The following GABRB1 variants were observed in gnomAD, a reference collection of about 807,000 sequenced individuals.
GABRB1 encodes the protein gamma-aminobutyric acid receptor subunit beta-1.
A neutral mutation model predicts 51.6 loss-of-function variants in GABRB1; 17 were observed. That is an observed-to-expected ratio of 0.33 (90% CI 0.23 to 0.49). The LOEUF (loss-of-function observed/expected upper bound fraction) is 0.49, where lower values mean the gene tolerates loss of function less well. Among genes scored for constraint, GABRB1 ranks in the 20% least tolerant of loss-of-function variants. The pLI is 0.99. For missense variants in GABRB1, 410 were observed against 600.6 expected, an observed-to-expected ratio of 0.68 and a Z score of 3.32; for synonymous variants, 247 against 218.9, an observed-to-expected ratio of 1.13 and a Z score of -1.14.
At chr4:47,270,455 G>A (rs772144505) in intron 4 of GABRB1, among the ~76,000 whole-genome samples, 3 of 152,134 alleles carry the variant, frequency 2.0e-5, no homozygotes, top group Non-Finnish European at 4.4e-5. Context: ...CACAATTTTG[G>A]CTCTGCTTCT....
At chr4:47,387,361 A>G (rs929853680) in intron 5 of GABRB1, among the ~76,000 whole-genome samples, 58 of 152,040 alleles carry the variant, frequency 3.8e-4, no homozygotes, top group African/African-American at 1.4e-3. Flanking sequence ...AATCCCAGCT[A>G]CTCTGGAGGC....
At chr4:47,360,095 G>A (rs1726746520) in intron 5 of GABRB1, among the ~76,000 whole-genome samples, 1 of 150,480 alleles carries the variant, frequency 6.6e-6, no homozygotes, top group Non-Finnish European at 1.5e-5. Flanking sequence ...GGCACTGGCT[G>A]TTTCTACTCT....
chr4:47,042,759 A>G (rs977221212), intron 3 of GABRB1, among the ~76,000 whole-genome samples: 105 of 151,910 alleles, frequency 6.9e-4, no homozygotes, highest in African/African-American at 2.3e-3. Flanking sequence ...CTAAACATAA[A>G]AGTAAAAAGT....
chr4:47,250,512 G>A (rs556785366), intron 4 of GABRB1, among the ~76,000 whole-genome samples: 11 of 152,232 alleles, frequency 7.2e-5, no homozygotes, highest in African/African-American at 2.4e-4. Flanking sequence ...AGCAAGGCCA[G>A]GGAAGTTTTC....
chr4:47,201,109 T>C lies in GABRB1; in HGVS notation c.461+39640T>C, dbSNP rs912049588. ...TGTAACCTCCCTGAACTGTGCAATA[T>C]TTTAAAAATATGTTAAATCTTGTGA... On this transcript the variant is annotated intron_variant, in intron 4 of 8. Transcript: ENST00000295454. 3.9e-5 allele frequency among the ~76,000 whole-genome samples: 6 copies of C among 152,286 alleles called. No homozygotes were observed. The South Asian group carries it at 6.2e-4, about 16-fold the overall frequency.
intron 4 of GABRB1, among the ~76,000 whole-genome samples, chr4:47,231,651 G>A (rs950454491): frequency 1.3e-5 from 2 of 152,162 alleles, no homozygotes; most frequent in African/African-American, 4.8e-5. Flanking sequence ...TGGGGAACTA[G>A]ATTACCTTTT....
intron 8 of GABRB1, among the ~76,000 whole-genome samples, chr4:47,416,570 C>T (rs1369030546): frequency 6.6e-6 from 1 of 151,794 alleles, no homozygotes; most frequent in Non-Finnish European, 1.5e-5. Flanking sequence ...CATGCCTCAG[C>T]CTCCCTGAGT....
chr4:47,256,074 G>C (rs1027046191), intron 4 of GABRB1, among the ~76,000 whole-genome samples: 2 of 152,202 alleles, frequency 1.3e-5, no homozygotes, highest in African/African-American at 4.8e-5. Flanking sequence ...CTGAAGCCTG[G>C]TTGACCATCT....
intron 4 of GABRB1, among the ~76,000 whole-genome samples, chr4:47,175,438 T>C (rs1293520108): frequency 2.0e-5 from 3 of 152,138 alleles, no homozygotes; most frequent in Non-Finnish European, 4.4e-5. Context: ...ATTAAGCAAA[T>C]GGTAAGTGGT....
chr4:47,245,570 G>A lies in GABRB1; in HGVS notation c.462-74557G>A, dbSNP rs573257703. Among the ~76,000 whole-genome samples, 3 of 152,130 alleles carry A rather than the reference G, an allele frequency of 2.0e-5. No homozygotes were observed. In the South Asian group the frequency reaches 6.2e-4, roughly 32 times the overall value. ...GAAGGTGAGTGCCTGCTTCTCCAGG[G>A]GACAATCCACAAACACAGTAGTCAA... On this transcript the variant is annotated intron_variant, in intron 4 of 8. Coordinates refer to ENST00000295454, the MANE Select transcript of GABRB1 (RefSeq NM_000812.4).
chr4:47,194,167 T>G (rs1490828547), intron 4 of GABRB1, among the ~76,000 whole-genome samples: 1 of 152,152 alleles, frequency 6.6e-6, no homozygotes, highest in Non-Finnish European at 1.5e-5. Flanking sequence ...CTGATTAAAG[T>G]AGGACATAAG....
At chr4:47,260,751 G>C (rs1722399499) in intron 4 of GABRB1, among the ~76,000 whole-genome samples, 2 of 152,088 alleles carry the variant, frequency 1.3e-5, no homozygotes, top group Admixed American at 6.6e-5. Context: ...AACCAAAAAA[G>C]AGAATTTTAG....
At chr4:47,337,691 T>C (rs1415997404) in intron 5 of GABRB1, among the ~76,000 whole-genome samples, 1 of 150,902 alleles carries the variant, frequency 6.6e-6, no homozygotes, top group African/African-American at 2.4e-5. Flanking sequence ...ACACCTGTAA[T>C]CCCAGCTACT....
chr4:47,119,494 C>T (rs1174920578), intron 3 of GABRB1, among the ~76,000 whole-genome samples: 3 of 147,440 alleles, frequency 2.0e-5, no homozygotes, highest in Non-Finnish European at 3.0e-5. Flanking sequence ...ATTGACAAAA[C>T]ATTTTCTTTT....
At chr4:47,038,175 A>AGGTG (rs1468455506) in intron 3 of GABRB1, among the ~76,000 whole-genome samples, 2 of 152,214 alleles carry the variant, frequency 1.3e-5, no homozygotes, top group Non-Finnish European at 2.9e-5. Flanking sequence ...TTCTCCTGGT[A>AGGTG]GGTGAGTCAA....
chr4:47,329,850 G>A (rs751900925), intron 5 of GABRB1, among the ~76,000 whole-genome samples: 37 of 151,700 alleles, frequency 2.4e-4, no homozygotes, highest in Non-Finnish European at 4.9e-4. Flanking sequence ...TATAGAGAGC[G>A]AGTGAGAAAT....
chr4:47,174,228 T>C (rs1718566137), intron 4 of GABRB1, among the ~76,000 whole-genome samples: 1 of 151,990 alleles, frequency 6.6e-6, no homozygotes, highest in African/African-American at 2.4e-5. Context: ...AGCTAATTTT[T>C]TGTGTCATCA....
chr4:47,127,781 A>T (rs1004546702), intron 3 of GABRB1, among the ~76,000 whole-genome samples: 1 of 151,900 alleles, frequency 6.6e-6, no homozygotes. Flanking sequence ...CTATAAAATA[A>T]GACTTAAAGT....
intron 3 of GABRB1, among the ~76,000 whole-genome samples, chr4:47,071,606 C>G (rs1163834981): frequency 6.6e-6 from 1 of 151,888 alleles, no homozygotes; most frequent in Non-Finnish European, 1.5e-5. Context: ...CTTACCAATA[C>G]CTGAAATACT....
Sources: gnomAD v4.1 joint callset for allele counts (sites outside exome capture counted in the v4.1 genomes callset) on GRCh38, gnomAD v4.1.1 for gene constraint, MANE v1.5 for transcripts, NCBI Gene and HGNC (gene_info 2026-07-23, HGNC 2026-07-21) for gene names.